The following RYR3 variants were observed in gnomAD, a reference collection of about 807,000 sequenced individuals.
RYR3 encodes brain ryanodine receptor-calcium release channel.
A neutral mutation model predicts 584.3 loss-of-function variants in RYR3; 207 were observed. That is an observed-to-expected ratio of 0.35 (90% confidence interval 0.32 to 0.40). The LOEUF (loss-of-function observed/expected upper bound fraction) is 0.40. RYR3 is among the 10% of genes least tolerant of loss of function. The pLI, the probability that RYR3 is intolerant of heterozygous loss-of-function variation, is 1.00. For missense variants in RYR3, 5,616 were observed against 6,089.2 expected, an observed-to-expected ratio of 0.92 and a Z score of 2.59; for synonymous variants, 2,416 against 2,248.5, an observed-to-expected ratio of 1.07 and a Z score of -2.11.
chr15:33,768,986 G>A (rs2073340165), intron 61 of RYR3, 126 bp from the exon 62 acceptor site: 6 of 780,384 alleles, frequency 7.7e-6, no homozygotes, highest in South Asian at 7.4e-5. Context: ...GCTGAACACA[G>A]GCCCAGGACT....
At chr15:33,807,800 G>C (rs2076285265) in intron 70 of RYR3, 1 of 568,688 alleles carries the variant, frequency 1.8e-6, no homozygotes, top group Non-Finnish European at 3.1e-6. Context: ...CCCTAACCGA[G>C]GTCTCCTTGC....
chr15:33,863,211 G>A (rs1220824458), intron 102 of RYR3, among the ~76,000 whole-genome samples: 3 of 152,118 alleles, frequency 2.0e-5, no homozygotes, highest in African/African-American at 7.2e-5. Context: ...CACCTAAAAT[G>A]GTGCTTTGTT....
rs565845054 is a variant in RYR3 at position 33,654,313 on chromosome 15, G to A, written c.4308+1430G>A. 2.6e-3 allele frequency among the ~76,000 whole-genome samples: 403 copies of A among 152,106 alleles called. 1 individual carries two copies. The highest frequency in any genetic ancestry group is 9.2e-3 in the African/African-American group (382 of 41,486). ...ACAGATCATTTGAGCTCAGGAGTTC[G>A]AGACCAGCCTGGGCAACATGGTGGA... is the stretch of plus-strand genomic sequence containing the variant. On this transcript the variant is annotated intron_variant, in intron 32 of 103. Coordinates refer to ENST00000634891, the MANE Select transcript of RYR3 (RefSeq NM_001036.6).
intron 5 of RYR3, among the ~76,000 whole-genome samples, chr15:33,534,643 A>G (rs978534362): frequency 2.6e-5 from 4 of 152,258 alleles, no homozygotes; most frequent in Admixed American, 1.3e-4. Context: ...ATAATAATCT[A>G]CAGATATTCA....
intron 12 of RYR3, among the ~76,000 whole-genome samples, chr15:33,574,860 T>C (rs1476848531): frequency 6.6e-6 from 1 of 152,128 alleles, no homozygotes; most frequent in African/African-American, 2.4e-5. Context: ...TCAAGACCCA[T>C]TCATGTGCCG....
chr15:33,473,764 G>A (rs2142233252), intron 2 of RYR3, among the ~76,000 whole-genome samples: 1 of 152,346 alleles, frequency 6.6e-6, no homozygotes, highest in East Asian at 1.9e-4. Flanking sequence ...TTGCCTGTCA[G>A]TGTTGTCCAG....
Position 33,818,658 on chromosome 15 carries a change from T to C in RYR3, c.10680T>C (p.Phe3560=). 6.2e-7 allele frequency: 1 copy of C among 1,613,878 alleles called. No individual in the cohort carries two copies. Among genetic ancestry groups the C allele is most frequent in the Non-Finnish European group, 8.5e-7 (1 of 1,179,824 alleles). ...CACTACATCAGATCATTCTCTATTT[T>C]AGCCGCAACGCTCTCACGGAGAGGA... is the stretch of plus-strand genomic sequence containing the variant. ...PDPLHQIILY[F]SRNALTERSK... is the part of the protein sequence containing the mutation. Residue 3560 remains phenylalanine (F), a synonymous_variant, in exon 76 of 104, where the codon TTT becomes TTC. Transcript: ENST00000634891.
intron 1 of RYR3, among the ~76,000 whole-genome samples, chr15:33,428,084 T>C (rs2044796113): frequency 6.6e-6 from 1 of 152,226 alleles, no homozygotes; most frequent in Non-Finnish European, 1.5e-5. Context: ...GTAAGCTCCT[T>C]GAAGGTAAGG....
chr15:33,454,460 CTCCA>C (rs1450078817), intron 1 of RYR3, among the ~76,000 whole-genome samples: 3 of 152,210 alleles, frequency 2.0e-5, no homozygotes, highest in Non-Finnish European at 4.4e-5. Context: ...CCAAGCGAAA[CTCCA>C]TCCATCATCC....
chr15:33,461,008 G>A (rs1247720364), intron 1 of RYR3, among the ~76,000 whole-genome samples: 8 of 141,988 alleles, frequency 5.6e-5, no homozygotes, highest in African/African-American at 8.0e-5. Flanking sequence ...GCAGTGGCGT[G>A]ATCTTGGCTC....
chr15:33,534,316 G>A (rs998406739), intron 5 of RYR3, among the ~76,000 whole-genome samples: 2 of 152,246 alleles, frequency 1.3e-5, no homozygotes, highest in Admixed American at 6.5e-5. Flanking sequence ...TGGGAGAATC[G>A]CTTGAACCCA....
chr15:33,570,629 C>T (rs2057975075), intron 12 of RYR3, among the ~76,000 whole-genome samples: 1 of 152,054 alleles, frequency 6.6e-6, no homozygotes, highest in African/African-American at 2.4e-5. Context: ...AAAAATTCTG[C>T]TGGAATTTTG....
At chr15:33,678,224 A>T (rs1195412608) in intron 38 of RYR3, among the ~76,000 whole-genome samples, 2 of 152,180 alleles carry the variant, frequency 1.3e-5, no homozygotes, top group Non-Finnish European at 2.9e-5. Context: ...CACAAATCTC[A>T]TGTCGAATTG....
chr15:33,330,304 A>G (rs1163178919), intron 1 of RYR3, among the ~76,000 whole-genome samples: 1 of 152,128 alleles, frequency 6.6e-6, no homozygotes, highest in African/African-American at 2.4e-5. Context: ...CAGAACTTAT[A>G]CTAAGTAAAA....
chr15:33,809,390 T>G (rs2076387547), intron 70 of RYR3, among the ~76,000 whole-genome samples: 1 of 152,084 alleles, frequency 6.6e-6, no homozygotes, highest in Non-Finnish European at 1.5e-5. Flanking sequence ...CCTCCCCACT[T>G]CCAGCAAGTG....
intron 84 of RYR3, 29 bp downstream of exon 84, chr15:33,826,781 A>C: frequency 6.9e-7 from 1 of 1,449,098 alleles, no homozygotes; most frequent in Non-Finnish European, 9.2e-7. Context: ...TCTGCCAAGG[A>C]AACACAGCAC....
intron 1 of RYR3, among the ~76,000 whole-genome samples, chr15:33,343,538 T>C (rs1397032988): frequency 1.3e-5 from 2 of 152,178 alleles, no homozygotes; most frequent in Admixed American, 1.3e-4. Flanking sequence ...TTACTGTCTT[T>C]TGAATTTTCC....
rs2066764598 is a variant in RYR3 at position 33,706,990 on chromosome 15, CGG to C, written c.6556_6557del (p.Gly2186LeufsTer5). 1 of 1,613,730 alleles carries C rather than the reference CGG, an allele frequency of 6.2e-7. No individual in the cohort carries two copies. The highest frequency in any genetic ancestry group is 2.2e-5 in the East Asian group (1 of 44,878). Reference protein sequence around the residue: ...MLLAKGYPDVGWNPIEGERYL... With the variant: ...MLLAKGYPDVXWNPIEGERYL... ...TTCTGGCCAAAGGATACCCTGATGT[CGG>C]CTGGAACCCCATTGAAGGGGAACGC... is the stretch of plus-strand genomic sequence containing the variant. On this transcript the variant is annotated frameshift_variant, in exon 43 of 104. Coordinates refer to ENST00000634891, the MANE Select transcript of RYR3 (RefSeq NM_001036.6). LOFTEE classifies it high-confidence loss of function.
chr15:33,802,161 TA>T, intron 69 of RYR3, 200 bp downstream of exon 69: 1 of 723,170 alleles, frequency 1.4e-6, no homozygotes, highest in South Asian at 1.4e-5. Flanking sequence ...ATTTTATGAA[TA>T]AATAGCTGCT....
Sources: allele counts gnomAD v4.1 joint callset (sites outside exome capture counted in the v4.1 genomes callset), GRCh38; gene constraint gnomAD v4.1.1; transcripts MANE v1.5; gene names NCBI Gene and HGNC (gene_info 2026-07-23, HGNC 2026-07-21).